FYN: variants seen among roughly 807,000 people sequenced by gnomAD.
The protein encoded by FYN is tyrosine-protein kinase Fyn.
Under a neutral mutation model 70.2 loss-of-function variants are expected in FYN, and 10 were observed. The observed-to-expected ratio is 0.14, with a 90% confidence interval of 0.09 to 0.24. The LOEUF (loss-of-function observed/expected upper bound fraction) is 0.24, where lower values mean the gene tolerates loss of function less well. FYN is among the 10% of genes least tolerant of loss of function. The pLI is 1.00. For missense variants in FYN, 319 were observed against 673.1 expected (o/e 0.47, Z 5.82); for synonymous variants, 236 against 248.6 (o/e 0.95, Z 0.48).
intron 2 of FYN, among the ~76,000 whole-genome samples, chr6:111,804,193 C>T (rs56364842): frequency 0.023 from 3,429 of 152,226 alleles, 123 homozygotes; most frequent in African/African-American, 0.076. Context: ...TGAAAATATA[C>T]GAGGGCCATG....
intron 2 of FYN, among the ~76,000 whole-genome samples, chr6:111,839,690 A>G (rs1286264884): frequency 6.6e-6 from 1 of 152,198 alleles, no homozygotes; most frequent in East Asian, 1.9e-4. Flanking sequence ...CAGCTAATGC[A>G]AGAAAGTTAT....
At chr6:111,713,669 T>C (rs929617695) in intron 5 of FYN, among the ~76,000 whole-genome samples, 4 of 152,208 alleles carry the variant, frequency 2.6e-5, no homozygotes, top group Non-Finnish European at 4.4e-5. Flanking sequence ...ACTCTTCTTA[T>C]GGAGGTACTG....
At chr6:111,693,277 C>T (rs1799424854) in intron 12 of FYN, among the ~76,000 whole-genome samples, 1 of 152,128 alleles carries the variant, frequency 6.6e-6, no homozygotes, top group African/African-American at 2.4e-5. Flanking sequence ...CAGAGCTGGC[C>T]ATTATGAAAT....
intron 13 of FYN, among the ~76,000 whole-genome samples, chr6:111,673,628 T>G (rs1798403201): frequency 6.7e-6 from 1 of 148,676 alleles, no homozygotes; most frequent in African/African-American, 2.5e-5. Flanking sequence ...CATTGTTTTT[T>G]TTTTTTTTTT....
chr6:111,757,413 T>C (rs1191870221), intron 3 of FYN, among the ~76,000 whole-genome samples: 1 of 152,184 alleles, frequency 6.6e-6, no homozygotes, highest in African/African-American at 2.4e-5. Flanking sequence ...TCTATTCCCA[T>C]GGAAAAATTT....
intron 1 of FYN, among the ~76,000 whole-genome samples, chr6:111,871,067 T>C (rs544641508): frequency 1.3e-4 from 20 of 152,376 alleles, no homozygotes; most frequent in African/African-American, 4.8e-4. Flanking sequence ...CCTACAGTTC[T>C]GTTACTTATA....
chr6:111,732,732 T>C (rs1237308065), intron 3 of FYN, among the ~76,000 whole-genome samples: 2 of 152,204 alleles, frequency 1.3e-5, no homozygotes, highest in Non-Finnish European at 2.9e-5. Context: ...GAGCTGGTCG[T>C]CCTCCACTTT....
intron 1 of FYN, among the ~76,000 whole-genome samples, chr6:111,849,688 C>T (rs1357492589): frequency 6.6e-6 from 1 of 152,168 alleles, no homozygotes; most frequent in African/African-American, 2.4e-5. Flanking sequence ...GCCTCTATCC[C>T]AGGAAAGGGC....
At chr6:111,719,222 G>A (rs1269764227) in intron 4 of FYN, among the ~76,000 whole-genome samples, 1 of 151,130 alleles carries the variant, frequency 6.6e-6, no homozygotes, top group East Asian at 1.9e-4. Context: ...GAGAACGTAC[G>A]CCAGATATTT....
At chr6:111,670,653 G>T (rs1798223900) in intron 13 of FYN, among the ~76,000 whole-genome samples, 1 of 150,568 alleles carries the variant, frequency 6.6e-6, no homozygotes, top group South Asian at 2.1e-4. Flanking sequence ...CGTTTTCTAG[G>T]ATTTATCTGA....
At chr6:111,785,499 C>T (rs1482443089) in intron 2 of FYN, among the ~76,000 whole-genome samples, 4 of 152,186 alleles carry the variant, frequency 2.6e-5, no homozygotes, top group Non-Finnish European at 4.4e-5. Context: ...CCAACACACA[C>T]AAACTCTGGT....
At chr6:111,675,247 T>C (rs1261077096) in intron 12 of FYN, among the ~76,000 whole-genome samples, 1 of 152,238 alleles carries the variant, frequency 6.6e-6, no homozygotes, top group Non-Finnish European at 1.5e-5. Flanking sequence ...GTAAGATCAC[T>C]TTCTTACCAC....
At chr6:111,840,681 A>C (rs1173685396) in intron 2 of FYN, among the ~76,000 whole-genome samples, 1 of 152,198 alleles carries the variant, frequency 6.6e-6, no homozygotes, top group East Asian at 1.9e-4. Context: ...GAAAAGCTTA[A>C]ATTTTTATGT....
chr6:111,738,528 A>G (rs72942104), intron 3 of FYN, among the ~76,000 whole-genome samples: 1,626 of 152,302 alleles, frequency 0.011, 13 homozygotes, highest in South Asian at 0.039. Context: ...GTCAAAGGTA[A>G]CTATTCTGAG....
intron 1 of FYN, among the ~76,000 whole-genome samples, chr6:111,869,973 C>T (rs891443622): frequency 1.3e-5 from 2 of 152,218 alleles, no homozygotes; most frequent in African/African-American, 2.4e-5. Context: ...CGGGTGTCCG[C>T]TCTAGGTTTC....
chr6:111,729,879 G>A lies in FYN; in HGVS notation c.-11-9817C>T, dbSNP rs183652254. ...TTTGCTCTCTGTGTCTTTTTTCTCA[G>A]ATTTGTCTATACCAAGAATGTACTT... On this transcript the variant is annotated intron_variant, in intron 3 of 13. Coordinates refer to ENST00000354650, the MANE Select transcript of FYN (RefSeq NM_002037.5). Among the ~76,000 whole-genome samples the A allele has an allele frequency of 4.3e-4, 65 of 152,254 alleles. 1 individual carries two copies. The East Asian group carries it at 8.9e-3, about 21-fold the overall frequency.
Position 111,831,245 on chromosome 6 carries a change from C to T in FYN, c.-82+15344G>A, listed in dbSNP as rs146417652. Among the ~76,000 whole-genome samples the T allele has an allele frequency of 4.1e-4, 62 of 152,216 alleles. 1 individual carries two copies. The East Asian group carries it at 4.4e-3, about 11-fold the overall frequency. On this transcript the variant is annotated intron_variant, in intron 2 of 13. Transcript: ENST00000354650. Reference sequence around the variant, plus strand: ...ATGTTAGAGCACTTTAAGAATAATGCACTAAATCTGTATTCATTAACAAAT... The same window carrying T: ...ATGTTAGAGCACTTTAAGAATAATGTACTAAATCTGTATTCATTAACAAAT...
chr6:111,683,017 C>T (rs1798841359), intron 12 of FYN, among the ~76,000 whole-genome samples: 1 of 152,192 alleles, frequency 6.6e-6, no homozygotes, highest in Admixed American at 6.5e-5. Flanking sequence ...TGAAAAAACC[C>T]TCCTAATCAA....
At position 111,817,459 on chromosome 6, in the gene FYN, T is replaced by A. The variant is rs373841607; in HGVS notation, c.-82+29130A>T. ...ATATGGCCAAAACTAAACGAATACA[T>A]GGTGTATCCGTTTTAAAGCAGGTGC... On this transcript the variant is annotated intron_variant, in intron 2 of 13. Transcript: ENST00000354650. Among the ~76,000 whole-genome samples, 22 of 152,308 alleles carry A rather than the reference T, an allele frequency of 1.4e-4. No homozygotes were observed. The East Asian group carries it at 3.5e-3, about 24-fold the overall frequency.
Sources: allele counts gnomAD v4.1 joint callset (sites outside exome capture counted in the v4.1 genomes callset), GRCh38; gene constraint gnomAD v4.1.1; transcripts MANE v1.5; gene names NCBI Gene and HGNC (gene_info 2026-07-23, HGNC 2026-07-21).